PPARGC1A: variants seen among roughly 807,000 people sequenced by gnomAD.
PPARGC1A encodes the protein peroxisome proliferator-activated receptor gamma coactivator 1-alpha.
Under a neutral mutation model 88.7 loss-of-function variants are expected in PPARGC1A, and 25 were observed. The observed-to-expected ratio is 0.28, with a 90% CI of 0.21 to 0.39. The LOEUF (loss-of-function observed/expected upper bound fraction) is 0.39. Ranked by LOEUF, PPARGC1A falls within the 10% of genes least tolerant of loss-of-function variation. The pLI is 1.00. For synonymous variants in PPARGC1A, 363 were observed against 355.6 expected (o/e 1.02, Z -0.24); for missense variants, 880 against 968.7 (o/e 0.91, Z 1.22).
upstream of PPARGC1A, among the ~76,000 whole-genome samples, chr4:23,893,449 A>G (rs1718139020): frequency 6.6e-6 from 1 of 152,182 alleles, no homozygotes; most frequent in Admixed American, 6.6e-5. Flanking sequence ...CTATTAGGAT[A>G]AATATATTTG....
chr4:24,361,035 A>C, the PPARGC1A span, among the ~76,000 whole-genome samples: 1 of 152,174 alleles, frequency 6.6e-6, no homozygotes, highest in African/African-American at 2.4e-5. Context: ...GGTTGCAGGC[A>C]GATGAGAGGA....
At chr4:24,354,159 C>T in the PPARGC1A span, among the ~76,000 whole-genome samples, 1,595 of 152,174 alleles carry the variant, frequency 0.01, 25 homozygotes, top group Middle Eastern at 0.048. Context: ...AGCAATGGGA[C>T]GTCAGATGCT....
the PPARGC1A span, among the ~76,000 whole-genome samples, chr4:24,332,894 T>C: frequency 6.6e-6 from 1 of 152,206 alleles, no homozygotes; most frequent in Non-Finnish European, 1.5e-5. Context: ...TTTACCAACC[T>C]GAAATATTCA....
chr4:23,861,956 A>G (rs6448229), intron 2 of PPARGC1A, among the ~76,000 whole-genome samples: 5,612 of 152,328 alleles, frequency 0.037, 326 homozygotes, highest in African/African-American at 0.13. Flanking sequence ...AAGATGCATT[A>G]TCAATACTTG....
the PPARGC1A span, among the ~76,000 whole-genome samples, chr4:24,113,335 G>A: frequency 6.6e-6 from 1 of 151,402 alleles, no homozygotes; most frequent in South Asian, 2.2e-4. Flanking sequence ...AAGGATAGAT[G>A]GGAACAACCT....
chr4:23,855,499 G>A (rs926355499), intron 2 of PPARGC1A, among the ~76,000 whole-genome samples: 25 of 152,144 alleles, frequency 1.6e-4, no homozygotes, highest in African/African-American at 5.6e-4. Flanking sequence ...TACTATGCTC[G>A]ATGCTTCTAA....
At chr4:24,102,266 T>TCATG in the PPARGC1A span, among the ~76,000 whole-genome samples, 2 of 152,216 alleles carry the variant, frequency 1.3e-5, no homozygotes, top group African/African-American at 4.8e-5. Context: ...AGGGAACAAT[T>TCATG]CATGGTACCC....
At chr4:24,403,809 A>ATCTC in the PPARGC1A span, among the ~76,000 whole-genome samples, 2 of 151,796 alleles carry the variant, frequency 1.3e-5, no homozygotes, top group East Asian at 1.9e-4. Context: ...AACCTTGATC[A>ATCTC]TCTCTCTCTC....
the PPARGC1A span, among the ~76,000 whole-genome samples, chr4:24,087,168 G>A: frequency 1.3e-5 from 2 of 152,198 alleles, no homozygotes; most frequent in Admixed American, 6.5e-5. Flanking sequence ...AAGCTGAACT[G>A]GAAGATGATA....
At chr4:24,042,976 G>A in the PPARGC1A span, among the ~76,000 whole-genome samples, 18 of 152,128 alleles carry the variant, frequency 1.2e-4, no homozygotes, top group African/African-American at 4.1e-4. Context: ...ATTAACAGCA[G>A]TAATCAGCAA....
At chr4:23,943,077 G>A in the PPARGC1A span, among the ~76,000 whole-genome samples, 1 of 151,908 alleles carries the variant, frequency 6.6e-6, no homozygotes, top group Non-Finnish European at 1.5e-5. Flanking sequence ...TTGGGAGTTG[G>A]GACTATTTAC....
chr4:24,432,679 G>A, the PPARGC1A span, among the ~76,000 whole-genome samples: 2 of 152,154 alleles, frequency 1.3e-5, no homozygotes, highest in South Asian at 2.1e-4. Flanking sequence ...CACTGGATGG[G>A]GTTGTGTGAT....
chr4:23,853,087 T>A (rs905768205), intron 2 of PPARGC1A, among the ~76,000 whole-genome samples: 7 of 152,214 alleles, frequency 4.6e-5, no homozygotes, highest in South Asian at 4.1e-4. Context: ...AGAATTTTTT[T>A]AATTAAGCAT....
At chr4:23,993,208 C>A in the PPARGC1A span, among the ~76,000 whole-genome samples, 1 of 152,132 alleles carries the variant, frequency 6.6e-6, no homozygotes, top group Admixed American at 6.6e-5. Flanking sequence ...TGTTATGTAA[C>A]AATTATTGAG....
chr4:23,824,571 C>T (rs1464769118), intron 5 of PPARGC1A, 63 bp from the exon 6 acceptor site: 1 of 1,362,416 alleles, frequency 7.3e-7, no homozygotes, highest in Non-Finnish European at 1.0e-6. Context: ...TCTTTTCTCT[C>T]CACAACAGTC....
rs182321724 is a variant in PPARGC1A, at chr4:23,859,917, C to A, written c.234+24835G>T. ...GTCAATAAGGAATATTCAAGTAGCACAGAAAATTCAAGAAGAATGGGGACC... is the reference window on the plus strand; with the variant it reads ...GTCAATAAGGAATATTCAAGTAGCAAAGAAAATTCAAGAAGAATGGGGACC... On this transcript the variant is annotated intron_variant, in intron 2 of 12. Coordinates refer to ENST00000264867, the MANE Select transcript of PPARGC1A (RefSeq NM_013261.5). Among the ~76,000 whole-genome samples the A allele has an allele frequency of 3.9e-3, 596 of 151,944 alleles. 17 individuals carry two copies. In the South Asian group the frequency reaches 0.067, roughly 17 times the overall value.
chr4:23,957,500 C>T, the PPARGC1A span, among the ~76,000 whole-genome samples: 1 of 152,108 alleles, frequency 6.6e-6, no homozygotes, highest in Non-Finnish European at 1.5e-5. Flanking sequence ...AGCCTAGTTT[C>T]TACATCTGTA....
the PPARGC1A span, among the ~76,000 whole-genome samples, chr4:24,418,850 T>G: frequency 6.6e-6 from 1 of 152,224 alleles, no homozygotes; most frequent in Admixed American, 6.5e-5. Context: ...CACACCTCAA[T>G]GTCAGTCAAT....
At chr4:24,364,346 A>G in the PPARGC1A span, among the ~76,000 whole-genome samples, 2 of 152,228 alleles carry the variant, frequency 1.3e-5, no homozygotes, top group Non-Finnish European at 2.9e-5. Flanking sequence ...ATTTCGGATG[A>G]GAAAACCCTT....
Sources: gnomAD v4.1 joint callset for allele counts (sites outside exome capture counted in the v4.1 genomes callset) on GRCh38, gnomAD v4.1.1 for gene constraint, MANE v1.5 for transcripts, NCBI Gene and HGNC (gene_info 2026-07-23, HGNC 2026-07-21) for gene names.